Variants in CD72 observed in about 807,000 individuals in gnomAD.
The protein encoded by CD72 is B-cell differentiation antigen CD72.
A neutral mutation model predicts 50.7 loss-of-function variants in CD72; 28 were observed. That is an observed-to-expected ratio of 0.55 (90% CI 0.41 to 0.76). The LOEUF (loss-of-function observed/expected upper bound fraction) is 0.76. CD72 is among the 30% of genes least tolerant of loss of function. The pLI is 0.00. For synonymous variants in CD72, 176 were observed against 171.2 expected, an observed-to-expected ratio of 1.03 and a Z score of -0.22; for missense variants, 403 against 420.6, an observed-to-expected ratio of 0.96 and a Z score of 0.37.
intron 1 of CD72, among the ~76,000 whole-genome samples, chr9:35,627,636 T>C (rs1823208152): frequency 6.6e-6 from 1 of 152,052 alleles, no homozygotes; most frequent in Non-Finnish European, 1.5e-5. Context: ...ATCAGAAGGC[T>C]CAGAAATGAA....
chr9:35,612,920 C>A lies in CD72; in HGVS notation c.762G>T (p.Trp254Cys). The A allele has an allele frequency of 6.2e-7, 1 of 1,614,066 alleles. No individual in the cohort carries two copies. Among genetic ancestry groups the A allele is most frequent in the Non-Finnish European group, 8.5e-7 (1 of 1,179,976 alleles). ...CFYISLTSKN[W>C]QESQKQCETL... ...TTTCACATTGTTTTTGGCTCTCCTG[C>A]CAATTTTTTGAAGTAAGTGAGATGT... The change falls in exon 6 of 9, where the codon TGG becomes TGT. Residue 254 changes from tryptophan (W) to cysteine (C), a missense_variant. By Grantham distance (215) the Trp-to-Cys change is radical (BLOSUM62 -2). Coordinates refer to ENST00000259633, the MANE Select transcript of CD72 (RefSeq NM_001782.3).
chr9:35,639,985 T>C (rs1823324561), intron 1 of CD72, among the ~76,000 whole-genome samples: 1 of 152,262 alleles, frequency 6.6e-6, no homozygotes, highest in African/African-American at 2.4e-5. Flanking sequence ...GTTTCTCTTA[T>C]TTGGCAAAAT....
chr9:35,617,758 G>GTATT (rs1210479516), intron 2 of CD72, among the ~76,000 whole-genome samples: 1 of 152,030 alleles, frequency 6.6e-6, no homozygotes, highest in African/African-American at 2.4e-5. Flanking sequence ...TTTCCCCAGG[G>GTATT]TATTGTGCTC....
At chr9:35,629,170 CCCGGCAGGCAT>C (rs1823221589) in intron 1 of CD72, among the ~76,000 whole-genome samples, 1 of 152,168 alleles carries the variant, frequency 6.6e-6, no homozygotes, top group African/African-American at 2.4e-5. Context: ...AGCCACTGCG[CCCGGCAGGCAT>C]CTCATTTTTA....
chr9:35,617,118 G>A, intron 3 of CD72, 58 bp downstream of exon 3: 3 of 1,546,900 alleles, frequency 1.9e-6, no homozygotes, highest in South Asian at 1.2e-5. Flanking sequence ...AGCGCCATCC[G>A]CAGCCGGGAC....
At chr9:35,621,662 A>G (rs1276496734), upstream of CD72, among the ~76,000 whole-genome samples, 1 of 152,154 alleles carries the variant, frequency 6.6e-6, no homozygotes, top group African/African-American at 2.4e-5. Context: ...TGGTAGGCAC[A>G]CTCTGATCAC....
intron 1 of CD72, among the ~76,000 whole-genome samples, chr9:35,631,136 G>C (rs961891980): frequency 6.6e-6 from 1 of 151,912 alleles, no homozygotes; most frequent in African/African-American, 2.4e-5. Flanking sequence ...CTTATTGCTA[G>C]AGTAAAAACA....
At chr9:35,644,340 A>G in intron 1 of CD72, among the ~76,000 whole-genome samples, 1 of 130,466 alleles carries the variant, frequency 7.7e-6, no homozygotes, top group African/African-American at 3.0e-5. Context: ...ACAAGAGTGA[A>G]ACTCTGTCTC....
chr9:35,628,870 C>T (rs1489374510), intron 1 of CD72, among the ~76,000 whole-genome samples: 1 of 152,024 alleles, frequency 6.6e-6, no homozygotes, highest in African/African-American at 2.4e-5. Context: ...TAAGTGGTAT[C>T]TTTTTTTGTT....
At chr9:35,633,970 TTTAAGTGTGTTTCTC>T (rs1488119626) in intron 1 of CD72, among the ~76,000 whole-genome samples, 1 of 152,224 alleles carries the variant, frequency 6.6e-6, no homozygotes, top group Non-Finnish European at 1.5e-5. Context: ...ACTTTATCAC[TTTAAGTGTGTTTCTC>T]TTAAGTAATG....
intron 1 of CD72, among the ~76,000 whole-genome samples, chr9:35,637,584 C>CT (rs776504721): frequency 3.9e-5 from 6 of 152,190 alleles, no homozygotes; most frequent in African/African-American, 7.2e-5. Context: ...AATTCCAGTT[C>CT]TTTTTCCTCT....
At chr9:35,623,036 G>A (rs1197380557), upstream of CD72, among the ~76,000 whole-genome samples, 1 of 152,162 alleles carries the variant, frequency 6.6e-6, no homozygotes, top group Non-Finnish European at 1.5e-5. Flanking sequence ...GAGCCCAGGA[G>A]GGCGAGGCTG....
chr9:35,620,747 C>T (rs1454732708), upstream of CD72, among the ~76,000 whole-genome samples: 3 of 152,006 alleles, frequency 2.0e-5, no homozygotes, highest in Non-Finnish European at 2.9e-5. Flanking sequence ...TGCTTGAACC[C>T]GGGAGGCAGA....
chr9:35,618,283 A>G lies in CD72; in HGVS notation c.21T>C (p.Tyr7=). 6.2e-7 allele frequency: 1 copy of G among 1,614,152 alleles called. No individual in the cohort carries two copies. The highest frequency in any genetic ancestry group is 1.6e-4 in the Middle Eastern group (1 of 6,062). Residue 7 remains tyrosine, a synonymous_variant, in exon 1 of 9, where the codon TAT becomes TAC. Coordinates refer to ENST00000259633, the MANE Select transcript of CD72 (RefSeq NM_001782.3). ...GAGCCTTCACAAACCTCAGATCTGC[A>G]TAGGTGATGGCCTCAGCCATGGTCC... MAEAIT[Y]ADLRFVKAPL... is the part of the protein sequence containing the mutation.
intron 1 of CD72, among the ~76,000 whole-genome samples, chr9:35,638,196 G>A (rs1028302323): frequency 2.6e-5 from 4 of 152,020 alleles, no homozygotes; most frequent in Non-Finnish European, 4.4e-5. Context: ...TTCCCAATGC[G>A]ACTTGTCCCA....
At chr9:35,610,530 TGCTCTGAGTCC>T (rs1236614832) in intron 8 of CD72, 61 bp downstream of exon 8, 83 of 246,696 alleles carry the variant, frequency 3.4e-4, no homozygotes, top group Admixed American at 6.2e-4. Context: ...CCTGGGCCCC[TGCTCTGAGTCC>T]CTGCTCTGAG....
rs116804681 is a variant in CD72 at position 35,640,555 on chromosome 9, G to C, written n.408+5848C>G. ...AGGCACTTAGCCGTGCAAGAACAATGGGAAGCCTTTAGCACGATCGGGAGT... is the reference window on the plus strand; with the variant it reads ...AGGCACTTAGCCGTGCAAGAACAATCGGAAGCCTTTAGCACGATCGGGAGT... On this transcript the variant is annotated intron_variant and non_coding_transcript_variant, in intron 1 of 3. Coordinates refer to the CD72 transcript ENST00000465754. Among the ~76,000 whole-genome samples, 907 of 152,362 alleles carry C rather than the reference G, an allele frequency of 6.0e-3. 10 individuals carry two copies. Among genetic ancestry groups the C allele is most frequent in the African/African-American group, 0.021 (859 of 41,572 alleles).
intron 1 of CD72, among the ~76,000 whole-genome samples, chr9:35,627,073 C>T (rs970293546): frequency 2.6e-5 from 4 of 151,160 alleles, no homozygotes; most frequent in Admixed American, 6.6e-5. Flanking sequence ...CTCCTGACTT[C>T]GTGATCTGCC....
intron 1 of CD72, among the ~76,000 whole-genome samples, chr9:35,636,262 G>A (rs1225347251): frequency 3.9e-5 from 6 of 152,138 alleles, no homozygotes; most frequent in Non-Finnish European, 7.3e-5. Flanking sequence ...GGGGGTGGGG[G>A]CAAAGTCACC....
Sources: allele counts gnomAD v4.1 joint callset (sites outside exome capture counted in the v4.1 genomes callset), GRCh38; gene constraint gnomAD v4.1.1; transcripts MANE v1.5; gene names NCBI Gene and HGNC (gene_info 2026-07-23, HGNC 2026-07-21).